Variants in ZBBX observed in about 807,000 individuals in gnomAD.
The protein encoded by ZBBX is zinc finger B-box domain-containing protein 1.
In ZBBX, 101 loss-of-function variants were observed where a neutral mutation model predicts 108.5. The observed-to-expected ratio is 0.93, with a 90% CI of 0.79 to 1.10. ZBBX has a LOEUF of 1.10. Among genes scored for constraint, ZBBX ranks in the 50% least tolerant of loss-of-function variants. The pLI, the probability that ZBBX is intolerant of heterozygous loss-of-function variation, is 0.00. For missense variants in ZBBX, 1,009 were observed against 941.4 expected (o/e 1.07, Z -0.94); for synonymous variants, 356 against 323.4 (o/e 1.10, Z -1.08).
chr3:167,279,003 A>C (rs1179738448), intron 20 of ZBBX, among the ~76,000 whole-genome samples: 1 of 152,186 alleles, frequency 6.6e-6, no homozygotes, highest in Non-Finnish European at 1.5e-5. Flanking sequence ...CAAAAACCAC[A>C]TGATTATCTC....
In ZBBX at chr3:167,317,468, C is replaced by T; in HGVS notation, c.1093+20G>A. 3 of 1,543,070 alleles carry T rather than the reference C, an allele frequency of 1.9e-6. No individual in the cohort carries two copies. Among genetic ancestry groups the T allele is most frequent in the Non-Finnish European group, 1.8e-6 (2 of 1,132,676 alleles). On this transcript the variant is annotated intron_variant, in intron 13 of 21. Transcript: ENST00000675490. The stretch of plus-strand genomic sequence containing the variant: ...TTGAGACAATACATTTTAAAAATAT[C>T]TAATCAAGTATGAACTAACCATCAC...
At chr3:167,346,677 C>G (rs1276948113) in intron 9 of ZBBX, among the ~76,000 whole-genome samples, 1 of 151,782 alleles carries the variant, frequency 6.6e-6, no homozygotes, top group East Asian at 1.9e-4. Flanking sequence ...GTCAACAAAG[C>G]CTTATGACTT....
intron 20 of ZBBX, among the ~76,000 whole-genome samples, chr3:167,278,372 AAG>A (rs1484767039): frequency 6.6e-6 from 1 of 150,442 alleles, no homozygotes; most frequent in Non-Finnish European, 1.5e-5. Context: ...TAAAGAAAAA[AAG>A]AGAGAAGAAT....
chr3:167,345,274 G>C (rs1480534105), intron 9 of ZBBX, among the ~76,000 whole-genome samples: 4 of 151,802 alleles, frequency 2.6e-5, no homozygotes, highest in Admixed American at 2.0e-4. Flanking sequence ...AAATTTATCA[G>C]AAGATATGAT....
In ZBBX at chr3:167,399,858, C is replaced by A. The variant is rs142412410; in HGVS notation, c.-446+7868G>T. Among the ~76,000 whole-genome samples, 314 of 152,132 alleles carry A rather than the reference C, an allele frequency of 2.1e-3. 1 individual carries two copies. Among genetic ancestry groups the A allele is most frequent in the Non-Finnish European group, 3.8e-3 (258 of 67,978 alleles). On this transcript the variant is annotated intron_variant, in intron 1 of 21. Coordinates refer to the ZBBX transcript ENST00000455345. ...GGTAGTTTTTCTAGCCCTATTCCCC[C>A]TCCCTCCCTTTCTCCTCTAGTAGTC...
At chr3:167,399,333 C>A (rs1748345949) in intron 1 of ZBBX, among the ~76,000 whole-genome samples, 1 of 151,978 alleles carries the variant, frequency 6.6e-6, no homozygotes. Context: ...AAGTACAAGC[C>A]CAGTCCATTT....
chr3:167,345,848 A>C (rs1741358689), intron 9 of ZBBX, among the ~76,000 whole-genome samples: 1 of 151,772 alleles, frequency 6.6e-6, no homozygotes, highest in Non-Finnish European at 1.5e-5. Flanking sequence ...AACTGCATGG[A>C]AATTCTACCT....
chr3:167,367,054 A>T (rs1479742763), intron 5 of ZBBX: 1 of 356,798 alleles, frequency 2.8e-6, no homozygotes, highest in Non-Finnish European at 5.6e-6. Flanking sequence ...TATAATGAAC[A>T]CATTTGAATT....
rs537962906 is a variant in ZBBX at position 167,268,663 on chromosome 3, G to A, written c.2254+13575C>T. ...TAGAAGACCCCCTTGGACAAGGAATGTTAAAACTCCACTTTGTCACTAAGA... is the reference window on the plus strand; with the variant it reads ...TAGAAGACCCCCTTGGACAAGGAATATTAAAACTCCACTTTGTCACTAAGA... On this transcript the variant is annotated intron_variant, in intron 20 of 21. Coordinates refer to ENST00000675490, the MANE Select transcript of ZBBX (RefSeq NM_001199201.2). Among the ~76,000 whole-genome samples the A allele has an allele frequency of 2.2e-4, 33 of 152,250 alleles. No homozygotes were observed. The South Asian group carries it at 6.4e-3, about 30-fold the overall frequency.
At chr3:167,289,270 A>C (rs1730239841) in intron 18 of ZBBX, among the ~76,000 whole-genome samples, 1 of 152,242 alleles carries the variant, frequency 6.6e-6, no homozygotes, top group South Asian at 2.1e-4. Flanking sequence ...TATAGATGAC[A>C]CCAAGATCTA....
At chr3:167,286,212 G>A (rs1160638993) in intron 19 of ZBBX, among the ~76,000 whole-genome samples, 2 of 152,104 alleles carry the variant, frequency 1.3e-5, no homozygotes, top group Admixed American at 6.6e-5. Flanking sequence ...GCTAAGAAGT[G>A]AGTAAGAGAG....
intron 21 of ZBBX, among the ~76,000 whole-genome samples, chr3:167,242,146 G>A (rs920421749): frequency 6.6e-6 from 1 of 152,046 alleles, no homozygotes; most frequent in Admixed American, 6.5e-5. Context: ...TTCACATTGG[G>A]TAGGATTCTA....
At chr3:167,327,908 TG>T in intron 11 of ZBBX, 33 bp downstream of exon 11, 1 of 1,377,546 alleles carries the variant, frequency 7.3e-7, no homozygotes, top group Non-Finnish European at 9.6e-7. Flanking sequence ...AGTGAGACTC[TG>T]TCTCAAAAAA....
chr3:167,207,751 G>A, the ZBBX span, among the ~76,000 whole-genome samples: 1 of 152,152 alleles, frequency 6.6e-6, no homozygotes, highest in South Asian at 2.1e-4. Flanking sequence ...GGGAGAGTTG[G>A]GGGAGCAAGG....
rs1303832807 is a variant in ZBBX at position 167,330,871 on chromosome 3, GAGAAGAAGAAGA to G, written c.688-2767_688-2756del. Among the ~76,000 whole-genome samples the G allele has an allele frequency of 3.8e-3, 166 of 43,944 alleles. 4 individuals are homozygous for G. The highest frequency in any genetic ancestry group is 0.015 in the Admixed American group (53 of 3,626). The allele number at this position is 43,944 out of a possible 152,430, so 28.8% of individuals were successfully genotyped here. A position where few individuals can be genotyped will look rare whatever the true frequency, so the allele number is the denominator to read the frequency against. On this transcript the variant is annotated intron_variant, in intron 10 of 21. Transcript: ENST00000675490. ...GGAGGAGGAGGAGGAGGAGGAGGAG[GAGAAGAAGAAGA>G]AGAAGAAGAAGAAGAAGAAGAAGAA...
chr3:167,294,275 A>G (rs898287671), intron 18 of ZBBX, among the ~76,000 whole-genome samples: 2 of 152,190 alleles, frequency 1.3e-5, no homozygotes, highest in African/African-American at 4.8e-5. Flanking sequence ...TGGAGGCATC[A>G]CACTACTTCA....
At chr3:167,396,984 G>A (rs1477224008) in intron 1 of ZBBX, among the ~76,000 whole-genome samples, 5 of 151,332 alleles carry the variant, frequency 3.3e-5, no homozygotes, top group Admixed American at 6.6e-5. Context: ...AGGGAGTAAT[G>A]CCCAATGCTC....
At chr3:167,382,690 A>G (rs1747791028), upstream of ZBBX, among the ~76,000 whole-genome samples, 2 of 152,302 alleles carry the variant, frequency 1.3e-5, no homozygotes, top group African/African-American at 4.8e-5. Context: ...TTTCAATGCC[A>G]TACTAGAATA....
chr3:167,317,535 G>T lies in ZBBX; in HGVS notation c.1046C>A (p.Thr349Asn), dbSNP rs1254973648. ...ATTTTGAGAACACTGTGCATCACCAGTGGTTTCATGTGGATGTGGGAACGT... is the reference window on the plus strand; with the variant it reads ...ATTTTGAGAACACTGTGCATCACCATTGGTTTCATGTGGATGTGGGAACGT... Reference protein sequence around the residue: ...PDTFPHPHETTGDAQCSQNEN... With the variant: ...PDTFPHPHETNGDAQCSQNEN... Residue 349 changes from threonine to asparagine, a missense_variant, in exon 13 of 22, where the codon ACT (threonine) becomes AAT (asparagine). Coordinates refer to ENST00000675490, the MANE Select transcript of ZBBX (RefSeq NM_001199201.2). 6.2e-7 allele frequency: 1 copy of T among 1,611,190 alleles called. No homozygotes were observed. Among genetic ancestry groups the T allele is most frequent in the Non-Finnish European group, 8.5e-7 (1 of 1,178,398 alleles).
Sources: gnomAD v4.1 joint callset for allele counts (sites outside exome capture counted in the v4.1 genomes callset) on GRCh38, gnomAD v4.1.1 for gene constraint, MANE v1.5 for transcripts, NCBI Gene and HGNC (gene_info 2026-07-23, HGNC 2026-07-21) for gene names.